Variants in RAVER2 observed in about 807,000 individuals in gnomAD.
RAVER2 encodes the protein ribonucleoprotein PTB-binding 2.
RAVER2 carries 46 observed loss-of-function variants against 78.1 expected under a neutral mutation model. The observed-to-expected ratio is 0.59, with a 90% CI of 0.46 to 0.75. The LOEUF is 0.75. Among genes scored for constraint, RAVER2 ranks in the 30% least tolerant of loss-of-function variants. RAVER2 has a pLI of 0.00. For missense variants in RAVER2, 793 were observed against 837.5 expected, an observed-to-expected ratio of 0.95 and a Z score of 0.66; for synonymous variants, 311 against 313.3, an observed-to-expected ratio of 0.99 and a Z score of 0.08.
At position 64,745,317 on chromosome 1, in the gene RAVER2, C is replaced by T. The variant is rs572495180; in HGVS notation, c.145C>T (p.Leu49=). ...CGCCCCGGACCCGATGCCCGCCGCG[C>T]TGCACCCTGAGGAGGTCGCCGCGCG... The change falls in exon 1 of 12, where the codon CTG becomes TTG. Residue 49 remains leucine, a synonymous_variant. Transcript: ENST00000294428. The surrounding 1 kb of genome is among the most constrained non-coding windows in gnomAD (Gnocchi z 4.3). 2.0e-6 allele frequency: 3 copies of T among 1,524,920 alleles called. No individual in the cohort carries two copies. The highest frequency in any genetic ancestry group is 2.6e-6 in the Non-Finnish European group (3 of 1,134,900). The allele number at this position is 1,524,920 out of a possible 1,614,324, so 94.5% of individuals were successfully genotyped here.
intron 5 of RAVER2, among the ~76,000 whole-genome samples, chr1:64,790,079 A>T (rs1244977227): frequency 6.6e-6 from 1 of 152,200 alleles, no homozygotes; most frequent in Non-Finnish European, 1.5e-5. Context: ...CCTTCTGTGC[A>T]TTCTGAAATG....
intron 11 of RAVER2, 64 bp from the exon 12 acceptor site, chr1:64,830,773 TAA>T: frequency 7.2e-7 from 1 of 1,393,584 alleles, no homozygotes; most frequent in South Asian, 1.4e-5. Context: ...GCTTTTCTTA[TAA>T]ATATCTTTAA....
At chr1:64,825,382 C>CTTAG (rs1653984630) in intron 11 of RAVER2, among the ~76,000 whole-genome samples, 1 of 152,098 alleles carries the variant, frequency 6.6e-6, no homozygotes, top group Non-Finnish European at 1.5e-5. Flanking sequence ...AGAGACAAGA[C>CTTAG]TTAGAAAAGG....
At chr1:64,822,253 A>G (rs933563161) in intron 11 of RAVER2, among the ~76,000 whole-genome samples, 67 of 152,334 alleles carry the variant, frequency 4.4e-4, no homozygotes, top group African/African-American at 1.6e-3. Context: ...GCGCCACTGC[A>G]CTCCAGCCCA....
At chr1:64,820,711 G>C (rs1383385928) in intron 11 of RAVER2, among the ~76,000 whole-genome samples, 1 of 152,152 alleles carries the variant, frequency 6.6e-6, no homozygotes, top group Non-Finnish European at 1.5e-5. Flanking sequence ...AAAGCTTCCA[G>C]CTCTATCCAT....
intron 1 of RAVER2, among the ~76,000 whole-genome samples, chr1:64,751,806 C>T (rs1463419761): frequency 4.0e-5 from 6 of 151,786 alleles, no homozygotes; most frequent in African/African-American, 1.2e-4. Flanking sequence ...AAGCTTTATG[C>T]TTAACTTTCC....
At chr1:64,820,955 G>T (rs910284791) in intron 11 of RAVER2, among the ~76,000 whole-genome samples, 1 of 152,102 alleles carries the variant, frequency 6.6e-6, no homozygotes, top group Admixed American at 6.5e-5. Context: ...TGGTAATTCT[G>T]TTTTTAGCTC....
At chr1:64,786,514 G>C (rs1353682396) in intron 4 of RAVER2, among the ~76,000 whole-genome samples, 1 of 152,236 alleles carries the variant, frequency 6.6e-6, no homozygotes, top group Non-Finnish European at 1.5e-5. Context: ...CTTTGGGCCA[G>C]GTGCGGTGGC....
intron 5 of RAVER2, among the ~76,000 whole-genome samples, chr1:64,796,910 C>T (rs1039797104): frequency 6.6e-6 from 1 of 152,058 alleles, no homozygotes; most frequent in African/African-American, 2.4e-5. Flanking sequence ...CACTGTATCT[C>T]ACAAATTTTG....
intron 10 of RAVER2, 46 bp from the exon 11 acceptor site, chr1:64,814,658 T>C (rs1653710240): frequency 1.8e-6 from 2 of 1,095,170 alleles, no homozygotes. Flanking sequence ...AATAAATTTA[T>C]AATAAAATAA....
At chr1:64,812,790 G>T in exon 10 of RAVER2, 1 of 1,611,550 alleles carries the variant, frequency 6.2e-7, no homozygotes, top group Non-Finnish European at 8.5e-7. Context: ...AAAGAAATTC[G>T]GCTCAGTAAA....
intron 11 of RAVER2, among the ~76,000 whole-genome samples, chr1:64,817,297 G>C (rs939929394): frequency 2.0e-5 from 3 of 152,312 alleles, no homozygotes; most frequent in South Asian, 4.1e-4. Flanking sequence ...CACTTTTACA[G>C]TGTTGGTGGG....
chr1:64,814,827 G>C (rs777718258), exon 11 of RAVER2: 1 of 1,576,862 alleles, frequency 6.3e-7, no homozygotes, highest in East Asian at 2.3e-5. Flanking sequence ...CCACCTTTTG[G>C]TGATTATGCA....
At chr1:64,778,559 A>G (rs1395755311) in intron 3 of RAVER2, among the ~76,000 whole-genome samples, 1 of 152,176 alleles carries the variant, frequency 6.6e-6, no homozygotes, top group Non-Finnish European at 1.5e-5. Context: ...GAAAAGTACT[A>G]TGAAGTTTAA....
At chr1:64,772,517 T>G (rs1020529871) in intron 2 of RAVER2, among the ~76,000 whole-genome samples, 3 of 152,126 alleles carry the variant, frequency 2.0e-5, no homozygotes, top group African/African-American at 7.2e-5. Context: ...GCAAATAGAT[T>G]ACGATGTGAT....
intron 11 of RAVER2, among the ~76,000 whole-genome samples, chr1:64,819,162 A>T (rs1570582681): frequency 6.6e-6 from 1 of 152,324 alleles, no homozygotes; most frequent in South Asian, 2.1e-4. Context: ...ATTAAGAGAA[A>T]AAGTGGAAAC....
chr1:64,771,691 A>G (rs1432212484), intron 2 of RAVER2, among the ~76,000 whole-genome samples: 1 of 152,138 alleles, frequency 6.6e-6, no homozygotes, highest in Non-Finnish European at 1.5e-5. Flanking sequence ...CTTATACAGT[A>G]CATGAAGTGG....
intron 1 of RAVER2, among the ~76,000 whole-genome samples, chr1:64,760,663 A>G (rs1489278595): frequency 1.3e-5 from 2 of 152,050 alleles, no homozygotes; most frequent in African/African-American, 4.8e-5. Context: ...GATTTTATTT[A>G]ATGGGATATA....
At chr1:64,768,540 T>C (rs1259146776) in intron 1 of RAVER2, 116 bp from the exon 2 acceptor site, 2 of 684,718 alleles carry the variant, frequency 2.9e-6, no homozygotes, top group East Asian at 5.3e-5. Flanking sequence ...ATAATTTTTT[T>C]TTTTTACATG....
Sources: gnomAD v4.1 joint callset for allele counts (sites outside exome capture counted in the v4.1 genomes callset) on GRCh38, gnomAD v4.1.1 for gene constraint, Gnocchi (gnomAD v3.1) non-coding constraint, MANE v1.5 for transcripts, NCBI Gene and HGNC (gene_info 2026-07-23, HGNC 2026-07-21) for gene names.